Variants in LPCAT2 observed in about 807,000 individuals in gnomAD.
LPCAT2 encodes the protein lysophosphatidylcholine acyltransferase 2, also known as 1-AGP acyltransferase 11.
A neutral mutation model predicts 64.7 loss-of-function variants in LPCAT2; 58 were observed. That is an observed-to-expected ratio of 0.90 (90% CI 0.73 to 1.12). The LOEUF (loss-of-function observed/expected upper bound fraction) is 1.12, where lower values mean the gene tolerates loss of function less well. Ranked by LOEUF, LPCAT2 falls within the 50% of genes most tolerant of loss-of-function variation. LPCAT2 has a pLI of 0.00. For missense variants in LPCAT2, 579 were observed against 669.8 expected, an observed-to-expected ratio of 0.86 and a Z score of 1.50; for synonymous variants, 252 against 245.3, an observed-to-expected ratio of 1.03 and a Z score of -0.26.
chr16:55,510,720 ATCC>A (rs1962920315), intron 1 of LPCAT2, among the ~76,000 whole-genome samples: 1 of 152,112 alleles, frequency 6.6e-6, no homozygotes, highest in Non-Finnish European at 1.5e-5. Context: ...TAAAAATGTG[ATCC>A]TCATGTCTTT....
At chr16:55,527,136 T>C (rs1157343178) in intron 2 of LPCAT2, among the ~76,000 whole-genome samples, 1 of 152,198 alleles carries the variant, frequency 6.6e-6, no homozygotes, top group African/African-American at 2.4e-5. Flanking sequence ...CTTTACCTCC[T>C]TCTTGTGAAA....
At chr16:55,559,792 ACTTT>A (rs1963616734) in intron 11 of LPCAT2, among the ~76,000 whole-genome samples, 1 of 151,642 alleles carries the variant, frequency 6.6e-6, no homozygotes, top group South Asian at 2.1e-4. Flanking sequence ...AAAGGCTACA[ACTTT>A]CTGAGTGTGA....
intron 9 of LPCAT2, among the ~76,000 whole-genome samples, chr16:55,546,991 A>G (rs1963461194): frequency 6.6e-6 from 1 of 152,128 alleles, no homozygotes; most frequent in Non-Finnish European, 1.5e-5. Context: ...TATTAAAAAT[A>G]CAAAAATTAG....
intron 11 of LPCAT2, among the ~76,000 whole-genome samples, chr16:55,551,639 G>T (rs1319556417): frequency 6.6e-6 from 1 of 152,260 alleles, no homozygotes; most frequent in African/African-American, 2.4e-5. Context: ...CTGGCCATTT[G>T]CCATTATATT....
At chr16:55,528,304 T>A in intron 2 of LPCAT2, 73 bp from the exon 3 acceptor site, 1 of 1,152,806 alleles carries the variant, frequency 8.7e-7, no homozygotes, top group Non-Finnish European at 1.2e-6. Context: ...GTTTTCTTAT[T>A]GTATTATAGA....
At chr16:55,511,553 T>C (rs1464320045) in intron 1 of LPCAT2, among the ~76,000 whole-genome samples, 1 of 152,150 alleles carries the variant, frequency 6.6e-6, no homozygotes, top group Non-Finnish European at 1.5e-5. Flanking sequence ...AAATATATAA[T>C]CTCATGTTTT....
chr16:55,572,623 T>C (rs201074171), intron 11 of LPCAT2, among the ~76,000 whole-genome samples: 1 of 12,824 alleles, frequency 7.8e-5, no homozygotes, highest in South Asian at 2.1e-3. Context: ...GAAATGTAGA[T>C]ATTGGCGCTG....
intron 3 of LPCAT2, 40 bp from the exon 4 acceptor site, chr16:55,529,795 C>G: frequency 3.0e-6 from 4 of 1,337,926 alleles, no homozygotes; most frequent in Non-Finnish European, 4.1e-6. Context: ...TTGCTTTAGC[C>G]AAAAAATGGC....
chr16:55,523,144 T>G (rs1335871716), intron 1 of LPCAT2, among the ~76,000 whole-genome samples: 4 of 151,620 alleles, frequency 2.6e-5, no homozygotes, highest in African/African-American at 9.7e-5. Context: ...CAAAAAGACT[T>G]GAACAGACAC....
At chr16:55,550,868 T>G (rs1963508444) in intron 10 of LPCAT2, 81 bp from the exon 11 acceptor site, 2 of 1,161,348 alleles carry the variant, frequency 1.7e-6, no homozygotes, top group African/African-American at 1.5e-5. Context: ...CCCAGATACA[T>G]TAATAAAATA....
At chr16:55,526,052 C>G (rs1963166261) in intron 2 of LPCAT2, 1 of 152,868 alleles carries the variant, frequency 6.5e-6, no homozygotes, top group Admixed American at 6.5e-5. Context: ...TTGCTTTTCT[C>G]CCTCTACAGC....
chr16:55,578,014 G>C (rs1179413991), intron 12 of LPCAT2, among the ~76,000 whole-genome samples: 2 of 152,024 alleles, frequency 1.3e-5, no homozygotes. Context: ...ATTTTGCTCT[G>C]TTGGCCCTTA....
chr16:55,509,286 C>G lies in LPCAT2; in HGVS notation c.105C>G (p.Phe35Leu). The G allele has an allele frequency of 2.0e-6, 3 of 1,513,408 alleles. No individual in the cohort carries two copies. The highest frequency in any genetic ancestry group is 2.7e-6 in the Non-Finnish European group (3 of 1,123,436). The allele number at this position is 1,513,408 out of a possible 1,614,324, so 93.7% of individuals were successfully genotyped here. A position where few individuals can be genotyped will look rare whatever the true frequency, so the allele number is the denominator to read the frequency against. The change falls in exon 1 of 14, where the codon TTC becomes TTG. Residue 35 changes from phenylalanine to leucine, a missense_variant. By Grantham distance (22) the Phe-to-Leu change is conservative. Transcript: ENST00000262134. ...RPPMVPRQAS[F>L]FPPPVPNPFV... The stretch of plus-strand genomic sequence containing the variant: ...CCATGGTGCCCCGTCAGGCGTCCTT[C>G]TTCCCGCCGCCGGTGCCGAACCCCT...
chr16:55,569,648 C>T (rs1293432861), intron 11 of LPCAT2, among the ~76,000 whole-genome samples: 1 of 152,146 alleles, frequency 6.6e-6, no homozygotes, highest in East Asian at 1.9e-4. Flanking sequence ...TGAGGGATTA[C>T]CTACTTTTAC....
chr16:55,567,025 G>T (rs750022525), intron 11 of LPCAT2: 4 of 1,613,898 alleles, frequency 2.5e-6, no homozygotes, highest in Non-Finnish European at 3.4e-6. Context: ...CAGCTGGCTG[G>T]ACCAGACATG....
intron 1 of LPCAT2, among the ~76,000 whole-genome samples, chr16:55,520,916 T>C (rs897274034): frequency 2.6e-5 from 4 of 151,874 alleles, no homozygotes; most frequent in Admixed American, 6.5e-5. Context: ...TTAAAATTAA[T>C]GATTTAAGTT....
chr16:55,561,581 T>C (rs1332349051), intron 11 of LPCAT2, among the ~76,000 whole-genome samples: 7 of 44,954 alleles, frequency 1.6e-4, no homozygotes, highest in Non-Finnish European at 3.8e-4. Context: ...ATGAGAAGAA[T>C]TGGATTTAAA....
intron 11 of LPCAT2, among the ~76,000 whole-genome samples, chr16:55,563,659 T>A (rs1963661219): frequency 6.6e-6 from 1 of 151,892 alleles, no homozygotes; most frequent in African/African-American, 2.4e-5. Context: ...TCAGTACTCT[T>A]CCCTGATAAA....
chr16:55,524,548 A>G (rs1322285705), intron 1 of LPCAT2, among the ~76,000 whole-genome samples: 2 of 151,940 alleles, frequency 1.3e-5, no homozygotes, highest in Non-Finnish European at 2.9e-5. Flanking sequence ...TCCTTGTGTT[A>G]CTGTTTAATA....
Sources: gnomAD v4.1 joint callset for allele counts (sites outside exome capture counted in the v4.1 genomes callset) on GRCh38, gnomAD v4.1.1 for gene constraint, MANE v1.5 for transcripts, NCBI Gene and HGNC (gene_info 2026-07-23, HGNC 2026-07-21) for gene names.